Variants in ACOX1 observed in about 807,000 individuals in gnomAD.
ACOX1 encodes the protein peroxisomal acyl-coenzyme A oxidase 1.
In ACOX1, 41 loss-of-function variants were observed where a neutral mutation model predicts 75.5. The observed-to-expected ratio is 0.54, with a 90% CI of 0.42 to 0.70. The LOEUF (loss-of-function observed/expected upper bound fraction) is 0.70. Ranked by LOEUF, ACOX1 falls within the 30% of genes least tolerant of loss-of-function variation. The probability of loss-of-function intolerance (pLI) is 0.00; values close to 1 mark genes in which losing one functional copy is unlikely to be tolerated. For missense variants in ACOX1, 630 were observed against 837.5 expected (o/e 0.75, Z 3.06); for synonymous variants, 303 against 298.8 (o/e 1.01, Z -0.15).
rs1301404732 is a variant in ACOX1 at position 75,978,270 on chromosome 17, T to A, written c.269+264A>T. On this transcript the variant is annotated intron_variant, in intron 2 of 13. Transcript: ENST00000293217. This position sits in a 1 kb window ranked among gnomAD's most constrained non-coding sequence, Gnocchi z 4.2. ...CCACCACGCCCGGCTAATTTTTGTA[T>A]TTTCAGTAGAGATGGGGTTTCACCG... Among the ~76,000 whole-genome samples the A allele has an allele frequency of 6.6e-6, 1 of 151,822 alleles. No individual in the cohort carries two copies. Among genetic ancestry groups the A allele is most frequent in the African/African-American group, 2.4e-5 (1 of 41,316 alleles).
At chr17:75,952,799 C>G (rs1381062129) in intron 7 of ACOX1, among the ~76,000 whole-genome samples, 1 of 148,368 alleles carries the variant, frequency 6.7e-6, no homozygotes, top group African/African-American at 2.5e-5. Flanking sequence ...CCACTGCACT[C>G]CAGTCTGGGC....
chr17:75,970,316 G>A (rs1183009720), intron 2 of ACOX1, among the ~76,000 whole-genome samples: 2 of 151,802 alleles, frequency 1.3e-5, no homozygotes, highest in African/African-American at 2.4e-5. Context: ...GCAAACAAAC[G>A]ACCTGTTTTG....
At chr17:75,971,893 T>C (rs965932837) in intron 2 of ACOX1, among the ~76,000 whole-genome samples, 1 of 152,236 alleles carries the variant, frequency 6.6e-6, no homozygotes, top group Non-Finnish European at 1.5e-5. Context: ...ATGAACAGCA[T>C]GACTGTTAAG....
chr17:75,968,263 C>T (rs2065957775), intron 2 of ACOX1, among the ~76,000 whole-genome samples: 2 of 147,706 alleles, frequency 1.4e-5, no homozygotes, highest in Admixed American at 6.7e-5. Context: ...GGTGAAACCC[C>T]GTCTCTACTA....
intron 2 of ACOX1, among the ~76,000 whole-genome samples, chr17:75,963,123 T>C (rs925744348): frequency 6.6e-6 from 1 of 151,678 alleles, no homozygotes; most frequent in South Asian, 2.1e-4. Flanking sequence ...AGAGACTCTG[T>C]CTCGAAAAAC....
intron 12 of ACOX1, 137 bp downstream of exon 12, chr17:75,949,080 T>C (rs752435940): frequency 4.1e-6 from 4 of 982,254 alleles, no homozygotes; most frequent in Non-Finnish European, 6.3e-6. Context: ...GGTCTTGAAC[T>C]CCTGACCTCA....
At chr17:75,951,808 CTTTTTTTTTTTTTTTT>C (rs1029666749) in intron 7 of ACOX1, among the ~76,000 whole-genome samples, 1 of 77,430 alleles carries the variant, frequency 1.3e-5, no homozygotes, top group African/African-American at 5.6e-5. Context: ...TAAATTGAGG[CTTTTTTTTTTTTTTTT>C]TTTTTTTTGT....
chr17:75,949,324 C>G lies in ACOX1; in HGVS notation c.1621G>C (p.Glu541Gln). 1 of 1,614,126 alleles carries G rather than the reference C, an allele frequency of 6.2e-7. No homozygotes were observed. The highest frequency in any genetic ancestry group is 8.5e-7 in the Non-Finnish European group (1 of 1,180,018). The change falls in exon 12 of 14, where the codon GAA (glutamate) becomes CAA (glutamine). Residue 541 changes from glutamate to glutamine, a missense_variant. By Grantham distance (29) the Glu-to-Gln change is conservative. Around this residue, in one of 2 missense-constraint regions of ACOX1, gnomAD observed 240 missense variants for 262.7 expected, o/e 0.91. Coordinates refer to ENST00000293217, the MANE Select transcript of ACOX1 (RefSeq NM_004035.7). Reference protein sequence around the residue: ...CHYVVVKLFSEKLLKIQDKAI... With the variant: ...CHYVVVKLFSQKLLKIQDKAI... The stretch of plus-strand genomic sequence containing the variant: ...TTATCTTGAATTTTGAGGAGTTTTT[C>G]TGAAAAGAGCTTAACTACCACATAG...
rs1347916402 is a variant in ACOX1, at chr17:75,978,261, AT to A, written c.269+272del. Reference sequence around the variant, plus strand: ...AGGCGCCCGCCACCACGCCCGGCTAATTTTTGTATTTTCAGTAGAGATGGGG... The same window carrying A: ...AGGCGCCCGCCACCACGCCCGGCTAATTTTGTATTTTCAGTAGAGATGGGG... On this transcript the variant is annotated intron_variant, in intron 2 of 13. Transcript: ENST00000293217. The surrounding 1 kb of genome is among the most constrained non-coding windows in gnomAD (Gnocchi z 4.2). 1.3e-5 allele frequency among the ~76,000 whole-genome samples: 2 copies of A among 151,422 alleles called. No individual in the cohort carries two copies. Among genetic ancestry groups the A allele is most frequent in the African/African-American group, 4.9e-5 (2 of 41,142 alleles).
Position 75,951,403 on chromosome 17 carries a change from C to T in ACOX1, c.1107+12G>A, listed in dbSNP as rs987537989. On this transcript the variant is annotated intron_variant, in intron 8 of 13. Coordinates refer to ENST00000293217, the MANE Select transcript of ACOX1 (RefSeq NM_004035.7). ...GAAGGGTGCCCATGAGTGAATGAGA[C>T]CAAACTCATACCTCAGGCAGTTCAC... The T allele has an allele frequency of 3.1e-6, 5 of 1,613,898 alleles. No individual in the cohort carries two copies. The highest frequency in any genetic ancestry group is 1.7e-5 in the Admixed American group (1 of 59,988).
rs570211634 is a variant in ACOX1, at chr17:75,950,539, T to C, written c.1298+235A>G. Among the ~76,000 whole-genome samples, 2 of 152,272 alleles carry C rather than the reference T, an allele frequency of 1.3e-5. No homozygotes were observed. Among genetic ancestry groups the C allele is most frequent in the South Asian group, 4.1e-4 (2 of 4,822 alleles). The stretch of plus-strand genomic sequence containing the variant: ...TGCTGGGATTACAGTCATGAGCCAC[T>C]GTGCCCAGCCCAGTAACTCTATCCT... On this transcript the variant is annotated intron_variant, in intron 9 of 13. Transcript: ENST00000293217. The surrounding 1 kb of genome is among the most constrained non-coding windows in gnomAD (Gnocchi z 4.3).
Position 75,979,025 on chromosome 17 carries a change from C to G in ACOX1, c.49G>C (p.Glu17Gln). 6.2e-7 allele frequency: 1 copy of G among 1,612,524 alleles called. No homozygotes were observed. The highest frequency in any genetic ancestry group is 8.5e-7 in the Non-Finnish European group (1 of 1,180,008). Residue 17 changes from glutamate (E) to glutamine (Q), a missense_variant, in exon 1 of 14, where the codon GAG (glutamate) becomes CAG (glutamine). Around this residue, in one of 2 missense-constraint regions of ACOX1, gnomAD observed 390 missense variants for 574.9 expected, o/e 0.68. Coordinates refer to ENST00000293217, the MANE Select transcript of ACOX1 (RefSeq NM_004035.7). Reference protein sequence around the residue: ...RERDSASFNPELLTHILDGSP... With the variant: ...RERDSASFNPQLLTHILDGSP... ...CCGTCCAGGATGTGTGTAAGCAGCT[C>G]CGGGTTGAAGCTGGCGGAATCCCGC... is the stretch of plus-strand genomic sequence containing the variant.
chr17:75,968,329 G>C (rs183795371), intron 2 of ACOX1, among the ~76,000 whole-genome samples: 10,951 of 145,542 alleles, frequency 0.075, 447 homozygotes, highest in Middle Eastern at 0.16. Context: ...CCAGCTACTT[G>C]GGAGGCTGAG....
chr17:75,968,207 C>T (rs905669524), intron 2 of ACOX1, among the ~76,000 whole-genome samples: 4 of 149,718 alleles, frequency 2.7e-5, no homozygotes, highest in African/African-American at 9.8e-5. Flanking sequence ...GAGGCCGAGG[C>T]GGGCGGATCA....
At chr17:75,946,857 G>C in intron 13 of ACOX1, 62 bp from the exon 14 acceptor site, 1 of 1,498,534 alleles carries the variant, frequency 6.7e-7, no homozygotes, top group South Asian at 1.2e-5. Flanking sequence ...ATAGTATACT[G>C]TTTTTTGTTT....
rs1053919960 is a variant in ACOX1, at chr17:75,961,169, T to C, written c.270-794A>G. 2.0e-5 allele frequency among the ~76,000 whole-genome samples: 3 copies of C among 149,168 alleles called. No individual in the cohort carries two copies. In the Admixed American group the frequency reaches 2.0e-4, roughly 10 times the overall value. ...TTAAGCAGGCATGGTGGTGCACACC[T>C]GTAATCCCAGCTACTCAGGAGGCTG... On this transcript the variant is annotated intron_variant, in intron 2 of 13. Coordinates refer to ENST00000293217, the MANE Select transcript of ACOX1 (RefSeq NM_004035.7).
intron 13 of ACOX1, 41 bp downstream of exon 13, chr17:75,948,210 G>T (rs1311625087): frequency 6.2e-7 from 1 of 1,600,126 alleles, no homozygotes; most frequent in Non-Finnish European, 8.6e-7. Flanking sequence ...CAATATTTAA[G>T]TGAAGACTTT....
At position 75,960,070 on chromosome 17, in the gene ACOX1, A is replaced by G. The variant is rs1413824297; in HGVS notation, c.430+145T>C. 1.3e-5 allele frequency: 12 copies of G among 959,968 alleles called. No homozygotes were observed. In the Admixed American group the frequency reaches 2.8e-4, roughly 22 times the overall value. 59.5% of individuals were successfully genotyped at this position (959,968 alleles called of 1,614,324 possible). A position where few individuals can be genotyped will look rare whatever the true frequency, so the allele number is the denominator to read the frequency against. ...TCCCACTCACCAAAGCAGTGTTTATACCAAAACCTGGACTCTGCAGAAAGA... is the reference window on the plus strand; with the variant it reads ...TCCCACTCACCAAAGCAGTGTTTATGCCAAAACCTGGACTCTGCAGAAAGA... On this transcript the variant is annotated intron_variant, in intron 3 of 13. Transcript: ENST00000293217. This position sits in a 1 kb window ranked among gnomAD's most constrained non-coding sequence, Gnocchi z 4.4.
In ACOX1 at chr17:75,978,673, G is replaced by A; in HGVS notation, c.130C>T (p.Pro44Ser). ...TTCAAGTCCTCATGCTGGAAGTCTG[G>A]GTCGTTCAGGATCATGTTCTCTGAA... The part of the protein sequence containing the change: ...REIENMILND[P>S]DFQHEDLNFL... The change falls in exon 2 of 14, where the codon CCA (proline) becomes TCA (serine). Residue 44 changes from proline to serine, a missense_variant. Physicochemically the swap from Pro to Ser is moderately conservative, Grantham distance 74. Transcript: ENST00000293217. The surrounding 1 kb of genome is among the most constrained non-coding windows in gnomAD (Gnocchi z 4.2). The A allele has an allele frequency of 3.1e-6, 5 of 1,614,136 alleles. No homozygotes were observed. Among genetic ancestry groups the A allele is most frequent in the Non-Finnish European group, 4.2e-6 (5 of 1,180,036 alleles).
Sources: allele counts gnomAD v4.1 joint callset (sites outside exome capture counted in the v4.1 genomes callset), GRCh38; gene constraint gnomAD v4.1.1; regional missense constraint gnomAD v4.1.1; non-coding constraint Gnocchi (gnomAD v3.1); transcripts MANE v1.5; gene names NCBI Gene and HGNC (gene_info 2026-07-23, HGNC 2026-07-21).